Variants in PDE4D observed in about 807,000 individuals in gnomAD.
The protein encoded by PDE4D is 3',5'-cyclic-AMP phosphodiesterase 4D.
PDE4D carries 24 observed loss-of-function variants against 87.4 expected under a neutral mutation model. The ratio of observed to expected loss-of-function variants is 0.27; its 90% CI spans 0.20 to 0.39. The LOEUF is 0.39. Ranked by LOEUF, PDE4D falls within the 10% of genes least tolerant of loss-of-function variation. The pLI is 1.00. For missense variants in PDE4D, 714 were observed against 1,041.0 expected, an observed-to-expected ratio of 0.69 and a Z score of 4.32; for synonymous variants, 384 against 383.2, an observed-to-expected ratio of 1.00 and a Z score of -0.02.
At chr5:60,488,485 A>C (rs980882121), upstream of PDE4D, 13 of 151,482 alleles carry the variant, frequency 8.6e-5, no homozygotes, top group African/African-American at 3.2e-4. Context: ...GATAAGCATA[A>C]AGTCGCTGAG....
chr5:59,562,683 G>C (rs1325090765), intron 1 of PDE4D, among the ~76,000 whole-genome samples: 1 of 152,188 alleles, frequency 6.6e-6, no homozygotes, highest in African/African-American at 2.4e-5. Context: ...GTTAGGTTGA[G>C]TCATGTTTTA....
chr5:60,201,672 C>A (rs574682342), intron 1 of PDE4D, among the ~76,000 whole-genome samples: 1 of 152,122 alleles, frequency 6.6e-6, no homozygotes, highest in Non-Finnish European at 1.5e-5. Flanking sequence ...CCCCCAATTG[C>A]AATTCCCCCT....
At chr5:59,446,331 T>C (rs941130726) in intron 1 of PDE4D, among the ~76,000 whole-genome samples, 1 of 152,190 alleles carries the variant, frequency 6.6e-6, no homozygotes, top group Non-Finnish European at 1.5e-5. Context: ...CAAACCAATG[T>C]TTCCTAAATA....
intron 1 of PDE4D, among the ~76,000 whole-genome samples, chr5:59,814,796 A>C (rs1768792551): frequency 6.6e-6 from 1 of 152,180 alleles, no homozygotes; most frequent in South Asian, 2.1e-4. Flanking sequence ...TCCTGATCTG[A>C]TTATAAGAGT....
intron 3 of PDE4D, among the ~76,000 whole-genome samples, chr5:59,930,146 G>C (rs542879286): frequency 8.7e-6 from 1 of 114,662 alleles, no homozygotes; most frequent in Admixed American, 1.1e-4. Flanking sequence ...CTGGGCAACA[G>C]AGCGAGACTC....
intron 2 of PDE4D, among the ~76,000 whole-genome samples, chr5:60,056,060 T>C (rs1770745682): frequency 6.6e-6 from 1 of 151,994 alleles, no homozygotes; most frequent in African/African-American, 2.4e-5. Flanking sequence ...AAATGAGAAA[T>C]CTTCATCTCC....
chr5:60,284,668 G>A (rs1403742832), intron 1 of PDE4D, among the ~76,000 whole-genome samples: 5 of 152,154 alleles, frequency 3.3e-5, no homozygotes, highest in Admixed American at 3.3e-4. Flanking sequence ...CTCAAATAGT[G>A]AGAATCTGTA....
intron 1 of PDE4D, among the ~76,000 whole-genome samples, chr5:59,286,104 G>T (rs1007671961): frequency 6.6e-6 from 1 of 152,126 alleles, no homozygotes; most frequent in Non-Finnish European, 1.5e-5. Flanking sequence ...TGGATGAGAG[G>T]ACCGAAGGGC....
chr5:59,413,654 A>G (rs1793101613), intron 1 of PDE4D, among the ~76,000 whole-genome samples: 1 of 152,138 alleles, frequency 6.6e-6, no homozygotes, highest in Non-Finnish European at 1.5e-5. Flanking sequence ...TAGGCAGATA[A>G]TCTCACAGAT....
At chr5:59,978,123 T>A (rs1761527265) in intron 3 of PDE4D, among the ~76,000 whole-genome samples, 1 of 152,186 alleles carries the variant, frequency 6.6e-6, no homozygotes, top group Admixed American at 6.6e-5. Flanking sequence ...TACCACAACA[T>A]TCATTCTGAA....
intron 1 of PDE4D, among the ~76,000 whole-genome samples, chr5:59,377,417 C>CAAAAAAAAAAA (rs375685104): frequency 1.0e-5 from 1 of 97,528 alleles, no homozygotes; most frequent in Non-Finnish European, 2.1e-5. Flanking sequence ...ACACCCATCT[C>CAAAAAAAAAAA]AAAAAAAAAA....
chr5:60,315,061 ACT>A (rs1755429238), intron 1 of PDE4D, among the ~76,000 whole-genome samples: 1 of 152,208 alleles, frequency 6.6e-6, no homozygotes, highest in Admixed American at 6.5e-5. Flanking sequence ...GAATCACCAC[ACT>A]GTCTTCCACA....
At chr5:59,286,041 C>T (rs1290762594) in intron 1 of PDE4D, among the ~76,000 whole-genome samples, 1 of 152,140 alleles carries the variant, frequency 6.6e-6, no homozygotes, top group East Asian at 1.9e-4. Flanking sequence ...GGTAAAGATG[C>T]ATTAGCACAT....
intron 1 of PDE4D, among the ~76,000 whole-genome samples, chr5:60,222,199 G>C (rs1316269575): frequency 6.6e-6 from 1 of 152,032 alleles, no homozygotes; most frequent in African/African-American, 2.4e-5. Flanking sequence ...CTTCCAGGAG[G>C]ACACTCACGC....
chr5:59,473,815 A>G (rs2153653033), intron 1 of PDE4D, among the ~76,000 whole-genome samples: 1 of 152,278 alleles, frequency 6.6e-6, no homozygotes, highest in South Asian at 2.1e-4. Context: ...CATAAAGTAA[A>G]CTATCAGAAG....
chr5:59,129,736 G>C (rs142076171), intron 5 of PDE4D, among the ~76,000 whole-genome samples: 60 of 152,154 alleles, frequency 3.9e-4, no homozygotes, highest in Non-Finnish European at 7.2e-4. Context: ...TTCTGGTCGC[G>C]AATGGTGAGG....
intron 5 of PDE4D, among the ~76,000 whole-genome samples, chr5:59,160,147 T>C (rs927499122): frequency 4.6e-5 from 7 of 152,194 alleles, no homozygotes; most frequent in African/African-American, 1.7e-4. Flanking sequence ...TTCTCTTAAA[T>C]GAAATGTAGG....
At chr5:59,532,005 C>T (rs1026571093) in intron 1 of PDE4D, among the ~76,000 whole-genome samples, 3 of 152,124 alleles carry the variant, frequency 2.0e-5, no homozygotes, top group African/African-American at 7.2e-5. Context: ...CTTACAGCAG[C>T]ACCTGGTATA....
chr5:59,222,262 G>T (rs957302762), intron 1 of PDE4D, among the ~76,000 whole-genome samples: 2 of 152,168 alleles, frequency 1.3e-5, no homozygotes, highest in Admixed American at 1.3e-4. Flanking sequence ...GTAATTGTTT[G>T]TCTGCTGAAG....
Sources: allele counts gnomAD v4.1 joint callset (sites outside exome capture counted in the v4.1 genomes callset), GRCh38; gene constraint gnomAD v4.1.1; transcripts MANE v1.5; gene names NCBI Gene and HGNC (gene_info 2026-07-23, HGNC 2026-07-21).